Variants in CSMD2 observed in about 807,000 individuals in gnomAD.
CSMD2 encodes CUB and Sushi multiple domains 2.
A neutral mutation model predicts 398.5 loss-of-function variants in CSMD2; 130 were observed. The ratio of observed to expected loss-of-function variants is 0.33; its 90% CI spans 0.28 to 0.38. The LOEUF is 0.38. Ranked by LOEUF, CSMD2 falls within the 10% of genes least tolerant of loss-of-function variation. The probability of loss-of-function intolerance (pLI) is 1.00; values close to 1 mark genes in which losing one functional copy is unlikely to be tolerated. For missense variants in CSMD2, 3,829 were observed against 4,764.9 expected, an observed-to-expected ratio of 0.80 and a Z score of 5.78; for synonymous variants, 1,828 against 1,908.5, an observed-to-expected ratio of 0.96 and a Z score of 1.10.
chr1:34,105,680 T>C (rs1385230723), intron 1 of CSMD2, among the ~76,000 whole-genome samples: 3 of 152,180 alleles, frequency 2.0e-5, no homozygotes, highest in African/African-American at 7.2e-5. Flanking sequence ...TGAAATATAG[T>C]TTTTAAAATA....
intron 3 of CSMD2, among the ~76,000 whole-genome samples, chr1:33,982,332 G>A (rs150901002): frequency 7.9e-5 from 12 of 152,252 alleles, no homozygotes; most frequent in African/African-American, 2.9e-4. Flanking sequence ...GCTGCACAGT[G>A]GCACAGTGCC....
intron 3 of CSMD2, among the ~76,000 whole-genome samples, chr1:34,027,332 A>G (rs1331481886): frequency 6.6e-6 from 1 of 152,164 alleles, no homozygotes; most frequent in African/African-American, 2.4e-5. Flanking sequence ...ATGGGATGTC[A>G]TTTTCCACCC....
At chr1:33,790,660 T>C (rs1383681227) in intron 11 of CSMD2, among the ~76,000 whole-genome samples, 2 of 119,472 alleles carry the variant, frequency 1.7e-5, no homozygotes, top group Admixed American at 1.8e-4. Context: ...GCTGTTTGTC[T>C]GTCTATCTAT....
At chr1:33,812,715 T>C (rs1570075312) in intron 9 of CSMD2, among the ~76,000 whole-genome samples, 1 of 152,192 alleles carries the variant, frequency 6.6e-6, no homozygotes, top group Non-Finnish European at 1.5e-5. Context: ...CATTGAGATA[T>C]GGTGAGGATG....
intron 3 of CSMD2, among the ~76,000 whole-genome samples, chr1:33,937,966 C>T (rs1644531660): frequency 6.6e-6 from 1 of 152,268 alleles, no homozygotes; most frequent in Non-Finnish European, 1.5e-5. Context: ...CAGTGCCTGG[C>T]ACTTGTAGGG....
chr1:33,973,981 T>C (rs1645866720), intron 3 of CSMD2, among the ~76,000 whole-genome samples: 1 of 152,170 alleles, frequency 6.6e-6, no homozygotes, highest in African/African-American at 2.4e-5. Flanking sequence ...TGCTGGCCAC[T>C]TCCCTTCTTC....
At chr1:33,795,931 C>G (rs562946086) in intron 10 of CSMD2, among the ~76,000 whole-genome samples, 31 of 152,336 alleles carry the variant, frequency 2.0e-4, no homozygotes, top group African/African-American at 7.5e-4. Flanking sequence ...CCATCTAGAA[C>G]AAAAGTTGGC....
intron 12 of CSMD2, among the ~76,000 whole-genome samples, chr1:33,782,639 AG>A (rs1392173749): frequency 6.6e-6 from 1 of 152,166 alleles, no homozygotes; most frequent in Non-Finnish European, 1.5e-5. Flanking sequence ...GGGAATTGAG[AG>A]GGTGCTGAGG....
rs200543241 is a variant in CSMD2, at chr1:33,864,474, C to A, written c.921-17478G>T. On this transcript the variant is annotated intron_variant, in intron 5 of 70. Transcript: ENST00000373381. ...AAAGCGGGATCCCCAGGAACCCAGACGGCCTCCATCATCCTTCCTACTCTT... is the reference window on the plus strand; with the variant it reads ...AAAGCGGGATCCCCAGGAACCCAGAAGGCCTCCATCATCCTTCCTACTCTT... The A allele has an allele frequency of 2.2e-5, 36 of 1,613,416 alleles. No homozygotes were observed. In the African/African-American group the frequency reaches 4.5e-4, roughly 20 times the overall value.
At chr1:34,023,088 G>T (rs1026257776) in intron 3 of CSMD2, among the ~76,000 whole-genome samples, 2 of 152,106 alleles carry the variant, frequency 1.3e-5, no homozygotes, top group South Asian at 2.1e-4. Flanking sequence ...CTCTGGCCTT[G>T]GCCTCCCAAA....
chr1:33,592,488 C>T lies in CSMD2; in HGVS notation c.6857-5320G>A, dbSNP rs1435025816. The stretch of plus-strand genomic sequence containing the variant: ...ACAATGTACAAACAGCTGCCAAGTG[C>T]CCTGAGGAGCAGTTAAAGAGAACAT... On this transcript the variant is annotated intron_variant, in intron 44 of 70. Transcript: ENST00000373381. 7.0e-6 allele frequency: 5 copies of T among 717,060 alleles called. No individual in the cohort carries two copies. The South Asian group carries it at 7.4e-5, about 11-fold the overall frequency. The allele number at this position is 717,060 out of a possible 1,614,324, so 44.4% of individuals were successfully genotyped here.
intron 28 of CSMD2, among the ~76,000 whole-genome samples, chr1:33,648,471 A>G (rs540307073): frequency 1.3e-5 from 2 of 152,274 alleles, no homozygotes. Flanking sequence ...ATTTACCAGT[A>G]CAATCCGGAA....
chr1:33,539,394 C>T (rs931420590), intron 60 of CSMD2, among the ~76,000 whole-genome samples: 4 of 151,962 alleles, frequency 2.6e-5, no homozygotes, highest in Admixed American at 1.3e-4. Flanking sequence ...TTCTTTAAAG[C>T]CATTAAAAAT....
At chr1:33,672,474 C>A (rs768007484) in intron 25 of CSMD2, among the ~76,000 whole-genome samples, 3 of 152,220 alleles carry the variant, frequency 2.0e-5, no homozygotes, top group African/African-American at 2.4e-5. Flanking sequence ...GAAGCTCGAA[C>A]TGGATGGAGC....
chr1:33,657,366 T>C (rs1643978762), intron 27 of CSMD2, among the ~76,000 whole-genome samples: 1 of 152,084 alleles, frequency 6.6e-6, no homozygotes, highest in Non-Finnish European at 1.5e-5. Context: ...CCCAGCTACT[T>C]GGGAGGCTGA....
At chr1:33,874,924 C>T (rs527461314) in intron 5 of CSMD2, among the ~76,000 whole-genome samples, 1 of 152,296 alleles carries the variant, frequency 6.6e-6, no homozygotes, top group East Asian at 1.9e-4. Flanking sequence ...GATGCAGCTG[C>T]GAGTACATTT....
intron 25 of CSMD2, among the ~76,000 whole-genome samples, chr1:33,671,407 T>A (rs767301770): frequency 2.0e-5 from 3 of 152,078 alleles, no homozygotes; most frequent in Non-Finnish European, 2.9e-5. Flanking sequence ...CCCCTGGTTC[T>A]CCCTCCCATT....
intron 23 of CSMD2, among the ~76,000 whole-genome samples, chr1:33,699,682 C>A (rs374167383): frequency 6.6e-6 from 1 of 152,318 alleles, no homozygotes; most frequent in East Asian, 1.9e-4. Flanking sequence ...CAATAGCTTT[C>A]TTTATTGAGA....
At chr1:33,852,031 G>T (rs1638746074) in intron 5 of CSMD2, among the ~76,000 whole-genome samples, 1 of 152,064 alleles carries the variant, frequency 6.6e-6, no homozygotes, top group Non-Finnish European at 1.5e-5. Flanking sequence ...TGTGTTTGGG[G>T]TTGGTTACTA....
Sources: allele counts gnomAD v4.1 joint callset (sites outside exome capture counted in the v4.1 genomes callset), GRCh38; gene constraint gnomAD v4.1.1; transcripts MANE v1.5; gene names NCBI Gene and HGNC (gene_info 2026-07-23, HGNC 2026-07-21).